The following SPMIP11 variants were observed in gnomAD, a reference collection of about 807,000 sequenced individuals.
SPMIP11 encodes the protein long intergenic non-protein coding RNA 935.
At chr12:48,753,692 C>CTTTTTTTTT in the SPMIP11 span, among the ~76,000 whole-genome samples, 48 of 118,818 alleles carry the variant, frequency 4.0e-4, 3 homozygotes, top group Non-Finnish European at 4.8e-4. Flanking sequence ...TTTTTTTTTT[C>CTTTTTTTTT]TTTTTTTTTT....
chr12:48,740,651 C>T, the SPMIP11 span, among the ~76,000 whole-genome samples: 1 of 151,838 alleles, frequency 6.6e-6, no homozygotes, highest in African/African-American at 2.4e-5. Context: ...AGCCACCACA[C>T]CTGGCCAACT....
the SPMIP11 span, among the ~76,000 whole-genome samples, chr12:48,755,302 C>A: frequency 2.4e-4 from 37 of 152,194 alleles, no homozygotes; most frequent in Non-Finnish European, 4.6e-4. Context: ...TATTTCATAT[C>A]TACTTATCAA....
At chr12:48,757,659 T>A in the SPMIP11 span, among the ~76,000 whole-genome samples, 17 of 136,160 alleles carry the variant, frequency 1.2e-4, no homozygotes, top group African/African-American at 4.1e-4. Context: ...AAAATAAAAA[T>A]AAAAATAAAA....
At chr12:48,745,337 C>T in the SPMIP11 span, among the ~76,000 whole-genome samples, 1 of 151,752 alleles carries the variant, frequency 6.6e-6, no homozygotes, top group South Asian at 2.1e-4. Context: ...CCCACCTCAC[C>T]TCACATCATA....
chr12:48,746,187 G>A, the SPMIP11 span, among the ~76,000 whole-genome samples: 3 of 152,184 alleles, frequency 2.0e-5, no homozygotes, highest in East Asian at 5.8e-4. Flanking sequence ...CTGGGGGCCA[G>A]ATGTAGCCTG....
At chr12:48,743,933 C>CAAAAAAAAAAAAAA in the SPMIP11 span, among the ~76,000 whole-genome samples, 5 of 34,890 alleles carry the variant, frequency 1.4e-4, no homozygotes, top group African/African-American at 4.5e-4. Context: ...GACTTCGTCT[C>CAAAAAAAAAAAAAA]AAAAAAAAAA....
chr12:48,731,121 A>G, the SPMIP11 span, among the ~76,000 whole-genome samples: 1 of 152,164 alleles, frequency 6.6e-6, no homozygotes, highest in Non-Finnish European at 1.5e-5. Flanking sequence ...CACTGTACAA[A>G]TGATTGATGG....
At chr12:48,746,266 T>A in the SPMIP11 span, among the ~76,000 whole-genome samples, 1 of 152,072 alleles carries the variant, frequency 6.6e-6, no homozygotes, top group East Asian at 1.9e-4. Flanking sequence ...ATCCAGAGAT[T>A]TTATGTAAAA....
At chr12:48,761,930 C>T in the SPMIP11 span, among the ~76,000 whole-genome samples, 2 of 149,612 alleles carry the variant, frequency 1.3e-5, no homozygotes, top group Non-Finnish European at 3.0e-5. Flanking sequence ...GGCTATCTCC[C>T]ACACAGCGAT....
chr12:48,750,348 C>T, the SPMIP11 span, among the ~76,000 whole-genome samples: 1 of 152,152 alleles, frequency 6.6e-6, no homozygotes, highest in African/African-American at 2.4e-5. Context: ...ATGAGACTCT[C>T]TCTCTCTAAA....
chr12:48,735,092 A>T, the SPMIP11 span, among the ~76,000 whole-genome samples: 1 of 151,572 alleles, frequency 6.6e-6, no homozygotes, highest in African/African-American at 2.4e-5. Flanking sequence ...AGGAGCTGAG[A>T]GTGGCCCCTG....
At chr12:48,740,614 T>A in the SPMIP11 span, among the ~76,000 whole-genome samples, 3 of 150,862 alleles carry the variant, frequency 2.0e-5, no homozygotes, top group African/African-American at 7.3e-5. Context: ...CACCTCAGAC[T>A]CCCAAAGTGC....
chr12:48,732,986 T>C, the SPMIP11 span, among the ~76,000 whole-genome samples: 2 of 151,454 alleles, frequency 1.3e-5, no homozygotes, highest in African/African-American at 4.8e-5. Context: ...ACCGTGCCAT[T>C]GCACTCCAGC....
At chr12:48,748,838 T>C in the SPMIP11 span, among the ~76,000 whole-genome samples, 3 of 152,202 alleles carry the variant, frequency 2.0e-5, no homozygotes, top group Non-Finnish European at 4.4e-5. Flanking sequence ...CCTATTATCA[T>C]GAATGAATGG....
the SPMIP11 span, among the ~76,000 whole-genome samples, chr12:48,763,434 G>A: frequency 6.6e-6 from 1 of 152,138 alleles, no homozygotes; most frequent in African/African-American, 2.4e-5. Context: ...CTCTTAAAGT[G>A]CTGGGATTAC....
the SPMIP11 span, among the ~76,000 whole-genome samples, chr12:48,747,620 A>G: frequency 6.6e-6 from 1 of 152,210 alleles, no homozygotes; most frequent in East Asian, 1.9e-4. Flanking sequence ...TAATGCCACT[A>G]TCCTTTTCAC....
At chr12:48,760,489 TATCAAC>T in the SPMIP11 span, among the ~76,000 whole-genome samples, 1 of 152,022 alleles carries the variant, frequency 6.6e-6, no homozygotes, top group East Asian at 1.9e-4. Context: ...ATTTACCCTT[TATCAAC>T]CTACTCCCTC....
the SPMIP11 span, among the ~76,000 whole-genome samples, chr12:48,733,625 C>T: frequency 2.0e-5 from 3 of 152,070 alleles, no homozygotes; most frequent in Admixed American, 6.6e-5. Context: ...CACTATCCAC[C>T]TGTTACTGCT....
the SPMIP11 span, among the ~76,000 whole-genome samples, chr12:48,735,665 A>G: frequency 6.6e-6 from 1 of 152,168 alleles, no homozygotes; most frequent in Non-Finnish European, 1.5e-5. Flanking sequence ...TGGGAGGCCA[A>G]GGAGGGTGGA....
Sources: gnomAD v4.1 joint callset for allele counts (sites outside exome capture counted in the v4.1 genomes callset) on GRCh38, gnomAD v4.1.1 for gene constraint, MANE v1.5 for transcripts, NCBI Gene and HGNC (gene_info 2026-07-23, HGNC 2026-07-21) for gene names.